Variants in KAZN observed in about 807,000 individuals in gnomAD.
The protein encoded by KAZN is kazrin, periplakin interacting protein.
Under a neutral mutation model 87.4 loss-of-function variants are expected in KAZN, and 40 were observed. The observed-to-expected ratio is 0.46, with a 90% CI of 0.36 to 0.60. KAZN has a LOEUF of 0.60. Among genes scored for constraint, KAZN ranks in the 20% least tolerant of loss-of-function variants. The probability of loss-of-function intolerance (pLI) is 0.00; values close to 1 mark genes in which losing one functional copy is unlikely to be tolerated. For missense variants in KAZN, 898 were observed against 1,073.9 expected, an observed-to-expected ratio of 0.84 and a Z score of 2.29; for synonymous variants, 466 against 458.3, an observed-to-expected ratio of 1.02 and a Z score of -0.22.
At chr1:14,404,774 G>GTA (rs1290828642) in intron 2 of KAZN, among the ~76,000 whole-genome samples, 2 of 152,176 alleles carry the variant, frequency 1.3e-5, no homozygotes, top group East Asian at 3.8e-4. Context: ...TTGATGAAAT[G>GTA]TATATATGCA....
chr1:15,071,250 T>C (rs996921859), intron 8 of KAZN, among the ~76,000 whole-genome samples: 9 of 151,062 alleles, frequency 6.0e-5, no homozygotes, highest in Middle Eastern at 3.4e-3. Context: ...TCTTTTTATT[T>C]TTCTTTTTTT....
chr1:14,641,491 C>T (rs901289736), intron 1 of KAZN, among the ~76,000 whole-genome samples: 4 of 152,202 alleles, frequency 2.6e-5, no homozygotes, highest in South Asian at 2.1e-4. Flanking sequence ...CTCAAGCACA[C>T]GATGACTTCC....
chr1:14,750,237 A>G (rs1359169301), intron 1 of KAZN, among the ~76,000 whole-genome samples: 3 of 136,740 alleles, frequency 2.2e-5, no homozygotes, highest in Non-Finnish European at 4.7e-5. Context: ...AATGCATCAG[A>G]CAATTTTGAG....
Position 14,985,162 on chromosome 1 carries a change from G to T in KAZN, c.418+24287G>T, listed in dbSNP as rs547492996. Among the ~76,000 whole-genome samples, 19 of 150,642 alleles carry T rather than the reference G, an allele frequency of 1.3e-4. No homozygotes were observed. In the East Asian group the frequency reaches 3.8e-3, roughly 30 times the overall value. On this transcript the variant is annotated intron_variant, in intron 2 of 14. Coordinates refer to ENST00000376030, the MANE Select transcript of KAZN (RefSeq NM_201628.3). Reference sequence around the variant, plus strand: ...AAAAAAAAAAAAAAATGGTGGGGTCGGGGAGGAAGAGAAGAGATGAATGCT... The same window carrying T: ...AAAAAAAAAAAAAAATGGTGGGGTCTGGGAGGAAGAGAAGAGATGAATGCT...
chr1:14,975,278 G>A (rs1477757407), intron 2 of KAZN, among the ~76,000 whole-genome samples: 3 of 152,236 alleles, frequency 2.0e-5, no homozygotes, highest in Non-Finnish European at 4.4e-5. Context: ...TGTGGCTTGA[G>A]CTCCCGCCCA....
intron 1 of KAZN, among the ~76,000 whole-genome samples, chr1:14,882,544 CTGTTATAGACCTGG>C (rs1653455179): frequency 6.6e-6 from 1 of 152,136 alleles, no homozygotes; most frequent in Admixed American, 6.5e-5. Context: ...AGGAGGGCTT[CTGTTATAGACCTGG>C]TATTTCCCAT....
intron 1 of KAZN, among the ~76,000 whole-genome samples, chr1:14,731,567 T>A (rs1643680258): frequency 6.6e-6 from 1 of 152,232 alleles, no homozygotes; most frequent in Non-Finnish European, 1.5e-5. Flanking sequence ...CTATTATCTC[T>A]TGTCACTATG....
At chr1:15,103,589 C>T (rs1010413411) in intron 12 of KAZN, 129 bp downstream of exon 12, 1 of 700,786 alleles carries the variant, frequency 1.4e-6, no homozygotes. Context: ...ATGGGCAAAT[C>T]CCACACAAAT....
intron 1 of KAZN, among the ~76,000 whole-genome samples, chr1:13,991,843 C>T (rs911908162): frequency 4.6e-5 from 7 of 152,100 alleles, no homozygotes; most frequent in Non-Finnish European, 1.0e-4. Context: ...TTTCCGAGTG[C>T]ACTCTAAGCC....
In KAZN at chr1:15,023,026, C is replaced by A. The variant is rs117146652; in HGVS notation, c.419-11723C>A. Among the ~76,000 whole-genome samples, 23 of 152,342 alleles carry A rather than the reference C, an allele frequency of 1.5e-4. No individual in the cohort carries two copies. The East Asian group carries it at 4.0e-3, about 27-fold the overall frequency. On this transcript the variant is annotated intron_variant, in intron 2 of 14. Transcript: ENST00000376030. Reference sequence around the variant, plus strand: ...TGCCAGCTCCTAGAAATAGCTGAGGCCCAGGCCCTGCCTTCAGGTGGCCTC... The same window carrying A: ...TGCCAGCTCCTAGAAATAGCTGAGGACCAGGCCCTGCCTTCAGGTGGCCTC...
chr1:14,788,869 A>G (rs1645589405), intron 1 of KAZN, among the ~76,000 whole-genome samples: 1 of 152,164 alleles, frequency 6.6e-6, no homozygotes, highest in Non-Finnish European at 1.5e-5. Context: ...GCCACCTCTG[A>G]TGTCTGGGAC....
chr1:13,959,320 G>A (rs1235927614), intron 1 of KAZN, among the ~76,000 whole-genome samples: 1 of 152,178 alleles, frequency 6.6e-6, no homozygotes, highest in East Asian at 1.9e-4. Context: ...GCCACCCAGT[G>A]TACAGAATCT....
intron 1 of KAZN, among the ~76,000 whole-genome samples, chr1:14,797,335 A>G (rs758202789): frequency 2.4e-4 from 36 of 152,172 alleles, no homozygotes; most frequent in Non-Finnish European, 4.9e-4. Flanking sequence ...TGCTGGGATT[A>G]CAGGCATGAG....
intron 1 of KAZN, among the ~76,000 whole-genome samples, chr1:14,920,945 T>C (rs79061819): frequency 0.025 from 3,745 of 152,118 alleles, 141 homozygotes; most frequent in South Asian, 0.079. Context: ...CTCAAGGTGT[T>C]TTTAATGTAC....
intron 2 of KAZN, among the ~76,000 whole-genome samples, chr1:14,188,046 A>C (rs919063662): frequency 5.3e-5 from 8 of 152,258 alleles, no homozygotes; most frequent in African/African-American, 1.4e-4. Context: ...CTGACTATAA[A>C]TATGGGAGTA....
At chr1:14,354,643 T>TACACAC (rs1553161318) in intron 2 of KAZN, among the ~76,000 whole-genome samples, 6 of 71,272 alleles carry the variant, frequency 8.4e-5, no homozygotes, top group Admixed American at 8.1e-4. Flanking sequence ...ATAGCTAAAT[T>TACACAC]AGACACACAC....
chr1:13,967,375 G>A (rs900396491), intron 1 of KAZN, among the ~76,000 whole-genome samples: 1 of 152,156 alleles, frequency 6.6e-6, no homozygotes, highest in East Asian at 1.9e-4. Flanking sequence ...GATTACCTCA[G>A]GGAGCCTTTG....
chr1:15,027,099 T>TTTTTTTA, intron 2 of KAZN, among the ~76,000 whole-genome samples: 1 of 126,654 alleles, frequency 7.9e-6, no homozygotes, highest in South Asian at 2.8e-4. Context: ...TTTTTTTTTT[T>TTTTTTTA]GAGACAGAGT....
intron 4 of KAZN, among the ~76,000 whole-genome samples, chr1:15,049,204 T>C (rs1482917799): frequency 6.6e-6 from 1 of 152,172 alleles, no homozygotes; most frequent in Non-Finnish European, 1.5e-5. Context: ...CCTAGTCACA[T>C]GTGGGGCTGG....
Sources: gnomAD v4.1 joint callset for allele counts (sites outside exome capture counted in the v4.1 genomes callset) on GRCh38, gnomAD v4.1.1 for gene constraint, MANE v1.5 for transcripts, NCBI Gene and HGNC (gene_info 2026-07-23, HGNC 2026-07-21) for gene names.